Variants in OSBPL9 observed in about 807,000 individuals in gnomAD.
OSBPL9 encodes oxysterol binding protein like 9.
A neutral mutation model predicts 106.6 loss-of-function variants in OSBPL9; 40 were observed. The ratio of observed to expected loss-of-function variants is 0.38; its 90% CI spans 0.29 to 0.49. The LOEUF (loss-of-function observed/expected upper bound fraction) is 0.49, where lower values mean the gene tolerates loss of function less well. Among genes scored for constraint, OSBPL9 ranks in the 20% least tolerant of loss-of-function variants. OSBPL9 has a pLI of 0.97. For synonymous variants in OSBPL9, 269 were observed against 295.4 expected, an observed-to-expected ratio of 0.91 and a Z score of 0.92; for missense variants, 609 against 887.2, an observed-to-expected ratio of 0.69 and a Z score of 3.98.
At chr1:51,606,206 T>G (rs193108883) in intron 2 of OSBPL9, among the ~76,000 whole-genome samples, 82 of 152,280 alleles carry the variant, frequency 5.4e-4, no homozygotes, top group African/African-American at 1.7e-3. Context: ...GCTGTGTGAT[T>G]CCAGTGCAGG....
At chr1:51,646,427 A>G (rs1354232407) in intron 1 of OSBPL9, among the ~76,000 whole-genome samples, 1 of 152,172 alleles carries the variant, frequency 6.6e-6, no homozygotes, top group Non-Finnish European at 1.5e-5. Context: ...TTAAATCTGA[A>G]AGTATAGAAA....
the OSBPL9 span, among the ~76,000 whole-genome samples, chr1:51,570,330 C>T: frequency 6.6e-6 from 1 of 152,192 alleles, no homozygotes; most frequent in Non-Finnish European, 1.5e-5. Flanking sequence ...AGTGGGTTCT[C>T]CTAATTTCTC....
At chr1:51,594,745 T>A (rs1645291757) in intron 1 of OSBPL9, 1 of 152,260 alleles carries the variant, frequency 6.6e-6, no homozygotes, top group African/African-American at 2.4e-5. Context: ...AGCTGTAGTC[T>A]TTCTCTCTCT....
At chr1:51,638,953 A>C (rs1404244443) in intron 1 of OSBPL9, among the ~76,000 whole-genome samples, 1 of 152,210 alleles carries the variant, frequency 6.6e-6, no homozygotes, top group Non-Finnish European at 1.5e-5. Context: ...CTTAAAAAAA[A>C]AACTACAGGA....
At chr1:51,658,365 G>T (rs1263741473) in intron 2 of OSBPL9, among the ~76,000 whole-genome samples, 1 of 151,700 alleles carries the variant, frequency 6.6e-6, no homozygotes, top group Non-Finnish European at 1.5e-5. Flanking sequence ...TAAATGAATG[G>T]TAGTTTTTTT....
intron 3 of OSBPL9, among the ~76,000 whole-genome samples, chr1:51,687,290 C>A (rs1434639756): frequency 6.6e-6 from 1 of 152,186 alleles, no homozygotes; most frequent in Non-Finnish European, 1.5e-5. Context: ...GCTGGTACAG[C>A]AGGAACTGTA....
At chr1:51,734,146 A>G (rs1665121776) in intron 4 of OSBPL9, among the ~76,000 whole-genome samples, 1 of 152,238 alleles carries the variant, frequency 6.6e-6, no homozygotes, top group South Asian at 2.1e-4. Flanking sequence ...GTGTGTATAC[A>G]TGTGCGCACG....
the OSBPL9 span, among the ~76,000 whole-genome samples, chr1:51,540,937 C>T: frequency 6.8e-6 from 1 of 146,016 alleles, no homozygotes; most frequent in Non-Finnish European, 1.5e-5. Context: ...CCAGCCTAGG[C>T]AACAGAATGA....
At chr1:51,637,829 A>G (rs1262781164) in intron 1 of OSBPL9, among the ~76,000 whole-genome samples, 1 of 152,216 alleles carries the variant, frequency 6.6e-6, no homozygotes, top group African/African-American at 2.4e-5. Flanking sequence ...CCAAAGTTAT[A>G]TGTTATAGGT....
At chr1:51,778,876 C>T (rs1675670123) in intron 15 of OSBPL9, among the ~76,000 whole-genome samples, 1 of 152,172 alleles carries the variant, frequency 6.6e-6, no homozygotes, top group African/African-American at 2.4e-5. Flanking sequence ...CAAGATAGAA[C>T]ATATATAGGG....
At chr1:51,638,461 T>A (rs113162296) in intron 1 of OSBPL9, among the ~76,000 whole-genome samples, 49 of 152,238 alleles carry the variant, frequency 3.2e-4, no homozygotes, top group Non-Finnish European at 5.7e-4. Flanking sequence ...GAAAGGAGAC[T>A]ACATTCTGGG....
chr1:51,711,787 A>G (rs1660026608), intron 3 of OSBPL9, among the ~76,000 whole-genome samples: 1 of 145,248 alleles, frequency 6.9e-6, no homozygotes, highest in African/African-American at 2.6e-5. Context: ...GCGGCGGGGC[A>G]GAGGCGCTCC....
upstream of OSBPL9, among the ~76,000 whole-genome samples, chr1:51,615,967 G>A (rs1057426435): frequency 6.7e-6 from 1 of 149,174 alleles, no homozygotes; most frequent in Admixed American, 6.7e-5. Context: ...ACCTCCAACA[G>A]TGCCTAGATA....
the OSBPL9 span, chr1:51,561,828 C>T: frequency 1.3e-5 from 2 of 152,184 alleles, no homozygotes; most frequent in African/African-American, 4.8e-5. Context: ...GCCTGAGGCT[C>T]TTTCTACTTT....
chr1:51,768,121 T>G (rs183055298), intron 12 of OSBPL9, among the ~76,000 whole-genome samples: 4 of 152,096 alleles, frequency 2.6e-5, no homozygotes, highest in Non-Finnish European at 2.9e-5. Flanking sequence ...TTTTGTATTT[T>G]TAGTAGAGAC....
chr1:51,630,976 T>C (rs1645071138), intron 1 of OSBPL9, among the ~76,000 whole-genome samples: 2 of 152,246 alleles, frequency 1.3e-5, no homozygotes, highest in Non-Finnish European at 2.9e-5. Flanking sequence ...AATGGGTTCT[T>C]TCTGCCCACT....
intron 2 of OSBPL9, among the ~76,000 whole-genome samples, chr1:51,611,181 G>GA (rs1389043423): frequency 6.6e-6 from 1 of 151,304 alleles, no homozygotes; most frequent in Non-Finnish European, 1.5e-5. Flanking sequence ...TCTTTTGCCT[G>GA]AAAATCATAG....
At chr1:51,662,727 T>C (rs553362845) in intron 2 of OSBPL9, among the ~76,000 whole-genome samples, 207 of 151,200 alleles carry the variant, frequency 1.4e-3, no homozygotes, top group African/African-American at 4.0e-3. Context: ...AAAGTCATTA[T>C]ATAAAAATCA....
At chr1:51,756,202 A>G (rs761146933) in intron 8 of OSBPL9, 118 bp from the exon 9 acceptor site, 8 of 807,730 alleles carry the variant, frequency 9.9e-6, no homozygotes, top group Non-Finnish European at 1.6e-5. Context: ...GTGGAGGCAG[A>G]TAAATCATGT....
Sources: gnomAD v4.1 joint callset for allele counts (sites outside exome capture counted in the v4.1 genomes callset) on GRCh38, gnomAD v4.1.1 for gene constraint, MANE v1.5 for transcripts, NCBI Gene and HGNC (gene_info 2026-07-23, HGNC 2026-07-21) for gene names.